Variants in PRCC observed in about 807,000 individuals in gnomAD.
The protein encoded by PRCC is proline-rich protein PRCC.
PRCC carries 10 observed loss-of-function variants against 44.0 expected under a neutral mutation model. The observed-to-expected ratio is 0.23, with a 90% confidence interval of 0.14 to 0.39. The LOEUF is 0.39. PRCC is among the 10% of genes least tolerant of loss of function. The pLI is 1.00. For synonymous variants in PRCC, 278 were observed against 259.5 expected, an observed-to-expected ratio of 1.07 and a Z score of -0.69; for missense variants, 573 against 624.7, an observed-to-expected ratio of 0.92 and a Z score of 0.88.
At chr1:156,791,282 C>CA (rs1652464072) in intron 3 of PRCC, 1 of 694,766 alleles carries the variant, frequency 1.4e-6, no homozygotes, top group Admixed American at 2.3e-5. Flanking sequence ...GCAGGAATGG[C>CA]ATGACGTATA....
intron 4 of PRCC, among the ~76,000 whole-genome samples, chr1:156,792,977 G>A (rs1024683018): frequency 6.6e-6 from 1 of 152,162 alleles, no homozygotes; most frequent in Non-Finnish European, 1.5e-5. Flanking sequence ...AAAGCACAAT[G>A]TCCTGTGACT....
intron 3 of PRCC, among the ~76,000 whole-genome samples, chr1:156,790,675 A>T (rs1364006468): frequency 6.6e-6 from 1 of 152,220 alleles, no homozygotes; most frequent in Non-Finnish European, 1.5e-5. Context: ...GCAGGAAAAT[A>T]AAAAAGATGC....
intron 4 of PRCC, among the ~76,000 whole-genome samples, chr1:156,792,231 C>T (rs1464754507): frequency 6.6e-6 from 1 of 151,728 alleles, no homozygotes; most frequent in Non-Finnish European, 1.5e-5. Context: ...GCTTTGCCAT[C>T]CCTAGGCTGT....
Position 156,782,226 on chromosome 1 carries a change from T to C in PRCC, c.469-56T>C, listed in dbSNP as rs374639427. 49 of 1,473,406 alleles carry C rather than the reference T, an allele frequency of 3.3e-5. No homozygotes were observed. In the African/African-American group the frequency reaches 6.1e-4, roughly 18 times the overall value. 91.3% of individuals were successfully genotyped at this position (1,473,406 alleles called of 1,614,324 possible). On this transcript the variant is annotated intron_variant, in intron 1 of 6. Coordinates refer to ENST00000271526, the MANE Select transcript of PRCC (RefSeq NM_005973.5). ...CCCTTCATATGTGCTATATTTAATG[T>C]GTTTCCTTTACTGTCCTAAAACAGT...
At chr1:156,770,460 C>T (rs1348737274) in intron 1 of PRCC, among the ~76,000 whole-genome samples, 2 of 152,220 alleles carry the variant, frequency 1.3e-5, no homozygotes, top group African/African-American at 4.8e-5. Flanking sequence ...CCGCAACCTC[C>T]GCCTCCAGGG....
Position 156,792,343 on chromosome 1 carries a change from C to T in PRCC, c.1179+551C>T, listed in dbSNP as rs140767321. Among the ~76,000 whole-genome samples, 227 of 152,244 alleles carry T rather than the reference C, an allele frequency of 1.5e-3. 5 individuals carry two copies. In the East Asian group the frequency reaches 0.039, roughly 26 times the overall value. On this transcript the variant is annotated intron_variant, in intron 4 of 6. Transcript: ENST00000271526. ...AAGAAAGAGGAGGAACACTTCCCCT[C>T]GCTTTCTAGGAGACTTCCTGAAAGT...
chr1:156,772,876 G>A (rs1170294534), intron 1 of PRCC, among the ~76,000 whole-genome samples: 2 of 152,248 alleles, frequency 1.3e-5, no homozygotes, highest in Admixed American at 1.3e-4. Flanking sequence ...GAAGAAAACA[G>A]GAGTTTAGAG....
chr1:156,775,196 C>T (rs1390036477), intron 1 of PRCC, among the ~76,000 whole-genome samples: 5 of 151,878 alleles, frequency 3.3e-5, no homozygotes, highest in East Asian at 1.9e-4. Context: ...TGCAGTGAGC[C>T]GAGATTGCGC....
chr1:156,769,662 C>T (rs1307621236), intron 1 of PRCC, among the ~76,000 whole-genome samples: 2 of 152,076 alleles, frequency 1.3e-5, no homozygotes, highest in African/African-American at 2.4e-5. Context: ...TGCAGTGGCA[C>T]GATCTCTGCT....
At chr1:156,782,583 A>T (rs765282838) in intron 2 of PRCC, among the ~76,000 whole-genome samples, 17 of 152,104 alleles carry the variant, frequency 1.1e-4, no homozygotes, top group Non-Finnish European at 2.2e-4. Flanking sequence ...ATGAATTGTA[A>T]CTCAATTCAG....
At chr1:156,791,593 C>A (rs1652473495) in intron 3 of PRCC, 104 bp from the exon 4 acceptor site, 3 of 1,025,070 alleles carry the variant, frequency 2.9e-6, no homozygotes, top group Non-Finnish European at 4.3e-6. Context: ...AGCTATCTCA[C>A]CATTGCCTCT....
chr1:156,800,296 G>A, intron 6 of PRCC, 78 bp from the exon 7 acceptor site: 1 of 1,343,918 alleles, frequency 7.4e-7, no homozygotes, highest in African/African-American at 1.5e-5. Context: ...TTTTAAATTG[G>A]GAAGCTCACA....
chr1:156,779,998 C>G (rs1651996034), intron 1 of PRCC, among the ~76,000 whole-genome samples: 1 of 151,918 alleles, frequency 6.6e-6, no homozygotes, highest in Non-Finnish European at 1.5e-5. Context: ...TCAAGCAATT[C>G]TTGTACCTCA....
chr1:156,774,885 A>C (rs1651762922), intron 1 of PRCC, among the ~76,000 whole-genome samples: 1 of 147,084 alleles, frequency 6.8e-6, no homozygotes, highest in Non-Finnish European at 1.5e-5. Flanking sequence ...CGGAAGGCAG[A>C]GGTTGCAGTG....
chr1:156,774,199 A>G (rs1209808469), intron 1 of PRCC, among the ~76,000 whole-genome samples: 3 of 67,824 alleles, frequency 4.4e-5, no homozygotes, highest in Non-Finnish European at 7.9e-5. Flanking sequence ...TTTTTGAGAC[A>G]GAGTCTCTCT....
At position 156,789,962 on chromosome 1, in the gene PRCC, G is replaced by A. The variant is rs371467987; in HGVS notation, c.1084-1735G>A. Among the ~76,000 whole-genome samples the A allele has an allele frequency of 2.0e-5, 3 of 152,340 alleles. No individual in the cohort carries two copies. The East Asian group carries it at 5.8e-4, about 29-fold the overall frequency. ...ACGTAGGTTTAAGAGAGAATTCCTA[G>A]CAGTCAGAGCTTCTCAAGATGTAGA... On this transcript the variant is annotated intron_variant, in intron 3 of 6. Coordinates refer to ENST00000271526, the MANE Select transcript of PRCC (RefSeq NM_005973.5).
chr1:156,799,498 G>A (rs899359100), intron 6 of PRCC, among the ~76,000 whole-genome samples: 5 of 152,102 alleles, frequency 3.3e-5, no homozygotes, highest in Non-Finnish European at 7.4e-5. Flanking sequence ...ACCCTTTCCT[G>A]GCCCCTTTCC....
rs749502168 is a variant in PRCC at position 156,768,046 on chromosome 1, C to A, written c.275C>A (p.Pro92Gln). ...CCCTTCGGCCTGGGAGGCTTCCCCC[C>A]ACCTCCAGGCGTGAGCCCGGCTGAA... ...PLPFGLGGFP[P>Q]PPGVSPAEAA... The change falls in exon 1 of 7, where the codon CCA becomes CAA. Residue 92 changes from proline to glutamine, a missense_variant. This residue lies in a region of PRCC where 245 missense variants were observed against 188.5 expected (regional missense o/e 1.30). Coordinates refer to ENST00000271526, the MANE Select transcript of PRCC (RefSeq NM_005973.5). The A allele has an allele frequency of 3.5e-5, 56 of 1,581,380 alleles. No homozygotes were observed. The highest frequency in any genetic ancestry group is 1.4e-4 in the South Asian group (12 of 87,088).
chr1:156,795,313 A>T (rs1571595836), intron 5 of PRCC, among the ~76,000 whole-genome samples: 2 of 35,896 alleles, frequency 5.6e-5, no homozygotes, highest in Non-Finnish European at 9.5e-5. Context: ...TTTTTTTCAG[A>T]GTCTCACTCT....
Sources: allele counts gnomAD v4.1 joint callset (sites outside exome capture counted in the v4.1 genomes callset), GRCh38; gene constraint gnomAD v4.1.1; regional missense constraint gnomAD v4.1.1; transcripts MANE v1.5; gene names NCBI Gene and HGNC (gene_info 2026-07-23, HGNC 2026-07-21).